Variants in FKBP1A observed in about 807,000 individuals in gnomAD.
FKBP1A encodes FKBP prolyl isomerase 1A, also known as peptidyl-prolyl cis-trans isomerase FKBP1A.
A neutral mutation model predicts 14.2 loss-of-function variants in FKBP1A; 5 were observed. That is an observed-to-expected ratio of 0.35 (90% confidence interval 0.18 to 0.74). The LOEUF is 0.74. Ranked by LOEUF, FKBP1A falls within the 30% of genes least tolerant of loss-of-function variation. The pLI, the probability that FKBP1A is intolerant of heterozygous loss-of-function variation, is 0.56. For missense variants in FKBP1A, 53 were observed against 138.8 expected, an observed-to-expected ratio of 0.38 and a Z score of 3.10; for synonymous variants, 42 against 49.1, an observed-to-expected ratio of 0.86 and a Z score of 0.60.
At chr20:1,377,076 G>A (rs1046816098) in intron 2 of FKBP1A, 7 of 152,078 alleles carry the variant, frequency 4.6e-5, no homozygotes, top group Non-Finnish European at 1.0e-4. Context: ...ACTGAGGGTG[G>A]GCACTCACCA....
intron 2 of FKBP1A, among the ~76,000 whole-genome samples, chr20:1,382,837 G>A (rs2089631368): frequency 6.6e-6 from 1 of 152,140 alleles, no homozygotes. Context: ...CTTCGCCTGG[G>A]TCTCCTCCTG....
chr20:1,373,539 A>C (rs1600325332), intron 3 of FKBP1A, among the ~76,000 whole-genome samples: 1 of 152,234 alleles, frequency 6.6e-6, no homozygotes, highest in Non-Finnish European at 1.5e-5. Flanking sequence ...GCTATGAAGA[A>C]TTTAAAAGAT....
intron 3 of FKBP1A, 84 bp from the exon 4 acceptor site, chr20:1,372,324 T>C: frequency 1.4e-6 from 2 of 1,451,798 alleles, no homozygotes; most frequent in East Asian, 4.6e-5. Flanking sequence ...TACCTAGGTG[T>C]TCCTTGGCCA....
intron 3 of FKBP1A, chr20:1,374,601 T>C (rs774422225): frequency 2.0e-5 from 3 of 152,220 alleles, no homozygotes; most frequent in Non-Finnish European, 4.4e-5. Context: ...ACAAGACCTC[T>C]CAAAAACACT....
Position 1,386,294 on chromosome 20 carries a change from G to C in FKBP1A, c.85+6540C>G, listed in dbSNP as rs1031318945. ...TCATTGTAACTGACCACTCCCTACA[G>C]GGTAAGCTTCTTGAGGGCAACATTG... On this transcript the variant is annotated intron_variant, in intron 2 of 4. Coordinates refer to ENST00000400137, the MANE Select transcript of FKBP1A (RefSeq NM_000801.5). This position sits in a 1 kb window ranked among gnomAD's most constrained non-coding sequence, Gnocchi z 4.7. Among the ~76,000 whole-genome samples, 3 of 152,196 alleles carry C rather than the reference G, an allele frequency of 2.0e-5. No individual in the cohort carries two copies. In the East Asian group the frequency reaches 5.8e-4, roughly 29 times the overall value.
intron 4 of FKBP1A, chr20:1,371,194 G>A (rs2089459500): frequency 1.0e-6 from 1 of 985,424 alleles, no homozygotes; most frequent in South Asian, 4.7e-5. Context: ...CCAGTTGGAA[G>A]GAAGCCAGTA....
chr20:1,393,025 G>A lies in FKBP1A; in HGVS notation c.-27C>T, dbSNP rs1167406932. On this transcript the variant is annotated 5_prime_UTR_variant, in exon 1 of 5. Transcript: ENST00000400137. ...GCGGCGGCGGACGCTGAGCGGGCGGGCGGCGCGACGGGCGGCGTGGACCAA... is the reference window on the plus strand; with the variant it reads ...GCGGCGGCGGACGCTGAGCGGGCGGACGGCGCGACGGGCGGCGTGGACCAA... The A allele has an allele frequency of 7.7e-6, 11 of 1,431,140 alleles. No individual in the cohort carries two copies. The highest frequency in any genetic ancestry group is 7.0e-5 in the South Asian group (5 of 71,746). 88.7% of individuals were successfully genotyped at this position (1,431,140 alleles called of 1,614,324 possible).
chr20:1,376,745 A>C (rs1485128488), intron 2 of FKBP1A: 1 of 152,200 alleles, frequency 6.6e-6, no homozygotes, highest in East Asian at 1.9e-4. Flanking sequence ...TAAAATAGTA[A>C]AACTACGTTA....
chr20:1,374,914 A>G (rs749146466), intron 3 of FKBP1A, among the ~76,000 whole-genome samples: 4 of 152,176 alleles, frequency 2.6e-5, no homozygotes, highest in Non-Finnish European at 5.9e-5. Context: ...TTGGCTCACT[A>G]CAACCTCCGC....
intron 2 of FKBP1A, among the ~76,000 whole-genome samples, chr20:1,391,121 A>G (rs2089730886): frequency 6.6e-6 from 1 of 152,140 alleles, no homozygotes; most frequent in Non-Finnish European, 1.5e-5. Flanking sequence ...AACATGGGCG[A>G]GCATGAGGGG....
Position 1,384,514 on chromosome 20 carries a change from T to G in FKBP1A, c.85+8320A>C, listed in dbSNP as rs190334944. Among the ~76,000 whole-genome samples the G allele has an allele frequency of 2.6e-5, 4 of 152,344 alleles. No homozygotes were observed. In the East Asian group the frequency reaches 7.7e-4, roughly 29 times the overall value. The stretch of plus-strand genomic sequence containing the variant: ...AGAGCCATCCTCAAAGATAAAGACA[T>G]AGTCCTTTAGCAAATGATTTATGTT... On this transcript the variant is annotated intron_variant, in intron 2 of 4. Transcript: ENST00000400137.
At chr20:1,387,972 C>A (rs1196287226) in intron 2 of FKBP1A, among the ~76,000 whole-genome samples, 2 of 151,888 alleles carry the variant, frequency 1.3e-5, no homozygotes, top group Non-Finnish European at 2.9e-5. Context: ...CCAGTGACTT[C>A]TTCAGGGGAG....
intron 2 of FKBP1A, chr20:1,378,831 G>A (rs550651059): frequency 2.6e-5 from 4 of 152,318 alleles, no homozygotes; most frequent in Admixed American, 6.5e-5. Flanking sequence ...GTGCTGCCAC[G>A]AAAGGAATAA....
At chr20:1,383,684 T>TAAAAAAAAA (rs34991787) in intron 2 of FKBP1A, among the ~76,000 whole-genome samples, 7,019 of 124,410 alleles carry the variant, frequency 0.056, 251 homozygotes, top group Non-Finnish European at 0.079. Context: ...TGCAAAAAAT[T>TAAAAAAAAA]AAAAAAAAAA....
chr20:1,389,294 G>A (rs1184515344), intron 2 of FKBP1A, among the ~76,000 whole-genome samples: 1 of 152,168 alleles, frequency 6.6e-6, no homozygotes, highest in Non-Finnish European at 1.5e-5. Context: ...AAGGCAAAGG[G>A]ACTTGTTGCA....
intron 2 of FKBP1A, among the ~76,000 whole-genome samples, chr20:1,381,678 C>T (rs917356126): frequency 3.3e-5 from 5 of 152,190 alleles, no homozygotes; most frequent in African/African-American, 9.7e-5. Flanking sequence ...CTAACCCAAA[C>T]ATCCACCAAC....
chr20:1,372,286 A>C, intron 3 of FKBP1A, 46 bp from the exon 4 acceptor site: 1 of 1,600,356 alleles, frequency 6.2e-7, no homozygotes. Flanking sequence ...CACATGCCCC[A>C]ACTGTCTCTG....
chr20:1,378,640 T>C (rs2122681235), intron 2 of FKBP1A: 1 of 152,254 alleles, frequency 6.6e-6, no homozygotes, highest in East Asian at 1.9e-4. Flanking sequence ...CCAGGGGATA[T>C]ATGGGAAATC....
chr20:1,387,372 C>T (rs1174174069), intron 2 of FKBP1A, among the ~76,000 whole-genome samples: 1 of 152,060 alleles, frequency 6.6e-6, no homozygotes, highest in East Asian at 1.9e-4. Context: ...AGGGCTCCTA[C>T]TGGCCAAATT....
Sources: allele counts gnomAD v4.1 joint callset (sites outside exome capture counted in the v4.1 genomes callset), GRCh38; gene constraint gnomAD v4.1.1; non-coding constraint Gnocchi (gnomAD v3.1); transcripts MANE v1.5; gene names NCBI Gene and HGNC (gene_info 2026-07-23, HGNC 2026-07-21).